RSRC1: variants seen among roughly 807,000 people sequenced by gnomAD.
RSRC1 encodes the protein serine/Arginine-related protein 53.
A neutral mutation model predicts 49.1 loss-of-function variants in RSRC1; 39 were observed. The observed-to-expected ratio is 0.79, with a 90% CI of 0.61 to 1.04. RSRC1 has a LOEUF of 1.04. Among genes scored for constraint, RSRC1 ranks in the 50% least tolerant of loss-of-function variants. The pLI is 0.00. For missense variants in RSRC1, 388 were observed against 402.4 expected, an observed-to-expected ratio of 0.96 and a Z score of 0.31; for synonymous variants, 143 against 130.8, an observed-to-expected ratio of 1.09 and a Z score of -0.63.
intron 6 of RSRC1, among the ~76,000 whole-genome samples, chr3:158,453,382 CTTT>C (rs11288276): frequency 6.5e-5 from 9 of 138,148 alleles, no homozygotes; most frequent in Non-Finnish European, 7.8e-5. Context: ...AGCCCGGAAC[CTTT>C]TTTTTTTTTT....
At chr3:158,499,436 A>T (rs907334298) in intron 7 of RSRC1, among the ~76,000 whole-genome samples, 1 of 151,272 alleles carries the variant, frequency 6.6e-6, no homozygotes, top group African/African-American at 2.4e-5. Flanking sequence ...TGGTATTTTG[A>T]TGGGGATTGC....
chr3:158,147,753 G>A (rs950596715), intron 3 of RSRC1, among the ~76,000 whole-genome samples: 3 of 152,012 alleles, frequency 2.0e-5, no homozygotes, highest in South Asian at 2.1e-4. Context: ...AAAAGTGTAC[G>A]TTTTAGAAGT....
At chr3:158,509,040 G>C (rs562740632) in intron 7 of RSRC1, among the ~76,000 whole-genome samples, 4 of 152,096 alleles carry the variant, frequency 2.6e-5, no homozygotes, top group African/African-American at 9.7e-5. Flanking sequence ...TGTTACATCA[G>C]CTTATGGCGT....
intron 4 of RSRC1, among the ~76,000 whole-genome samples, chr3:158,229,205 T>TA: frequency 2.0e-5 from 2 of 100,064 alleles, no homozygotes; most frequent in Non-Finnish European, 4.5e-5. Context: ...TATATGTGTA[T>TA]ATATGTATAC....
In RSRC1 at chr3:158,489,497, AT is replaced by A. The variant is rs200201612; in HGVS notation, c.652+28495del. On this transcript the variant is annotated intron_variant, in intron 7 of 9. Coordinates refer to ENST00000611884, the MANE Select transcript of RSRC1 (RefSeq NM_001271838.2). ...TTTATTGACATTTTATAAAGAAAAA[AT>A]GTGGGACAAATTATGAATGGATATA... 5.6e-3 allele frequency among the ~76,000 whole-genome samples: 860 copies of A among 152,312 alleles called. 9 individuals are homozygous for A. Among genetic ancestry groups the A allele is most frequent in the African/African-American group, 0.02 (838 of 41,570 alleles).
At chr3:158,326,337 G>T (rs1729139117) in intron 5 of RSRC1, among the ~76,000 whole-genome samples, 1 of 152,146 alleles carries the variant, frequency 6.6e-6, no homozygotes, top group Non-Finnish European at 1.5e-5. Flanking sequence ...TCCAGTTTTT[G>T]CCCATTCAGT....
At chr3:158,330,193 A>G (rs1729463899) in intron 5 of RSRC1, among the ~76,000 whole-genome samples, 1 of 152,160 alleles carries the variant, frequency 6.6e-6, no homozygotes, top group South Asian at 2.1e-4. Context: ...GGATGAGGCG[A>G]TGCCTCGCCC....
At chr3:158,287,699 A>G (rs1045864855) in intron 4 of RSRC1, among the ~76,000 whole-genome samples, 6 of 152,366 alleles carry the variant, frequency 3.9e-5, no homozygotes, top group South Asian at 2.1e-4. Context: ...TTTAAGCTAT[A>G]TAACAAGTCA....
chr3:158,495,772 C>G (rs1489944906), intron 7 of RSRC1, among the ~76,000 whole-genome samples: 1 of 152,166 alleles, frequency 6.6e-6, no homozygotes, highest in African/African-American at 2.4e-5. Flanking sequence ...AAATAAAAGC[C>G]ACTCTCATTT....
chr3:158,353,159 T>G (rs1730968670), intron 5 of RSRC1, among the ~76,000 whole-genome samples: 1 of 152,198 alleles, frequency 6.6e-6, no homozygotes. Context: ...CTGCTATTGT[T>G]TCAGCTCAGG....
chr3:158,144,168 G>T lies in RSRC1; in HGVS notation c.320+20177G>T, dbSNP rs183820293. On this transcript the variant is annotated intron_variant, in intron 3 of 9. Coordinates refer to ENST00000611884, the MANE Select transcript of RSRC1 (RefSeq NM_001271838.2). ...ATTTTATTATACTTTAAGTTTTAGG[G>T]TACATGTGCACAACGTGCAGGTTTG... Among the ~76,000 whole-genome samples, 1,012 of 152,106 alleles carry T rather than the reference G, an allele frequency of 6.7e-3. 11 individuals are homozygous for T. The highest frequency in any genetic ancestry group is 0.023 in the African/African-American group (970 of 41,464).
intron 4 of RSRC1, among the ~76,000 whole-genome samples, chr3:158,275,203 A>C (rs1725741021): frequency 6.6e-6 from 1 of 152,210 alleles, no homozygotes; most frequent in Admixed American, 6.5e-5. Context: ...TTAACCATTG[A>C]ATGCCATGAA....
rs565943173 is a variant in RSRC1, at chr3:158,378,915, C to G, written c.583+24007C>G. Among the ~76,000 whole-genome samples, 3 of 152,330 alleles carry G rather than the reference C, an allele frequency of 2.0e-5. No homozygotes were observed. In the South Asian group the frequency reaches 6.2e-4, roughly 32 times the overall value. On this transcript the variant is annotated intron_variant, in intron 6 of 9. Transcript: ENST00000611884. Reference sequence around the variant, plus strand: ...CTTCCCTCCAAAATCTGTTTATTCACTCTTCAGAGATTTTAAATGGTTACT... The same window carrying G: ...CTTCCCTCCAAAATCTGTTTATTCAGTCTTCAGAGATTTTAAATGGTTACT...
chr3:158,194,105 A>G (rs1043273669), intron 3 of RSRC1, among the ~76,000 whole-genome samples: 1 of 148,260 alleles, frequency 6.7e-6, no homozygotes, highest in African/African-American at 2.5e-5. Flanking sequence ...ACACACACAG[A>G]AAAGAAATTA....
intron 7 of RSRC1, among the ~76,000 whole-genome samples, chr3:158,506,299 G>A (rs930186589): frequency 1.3e-5 from 2 of 151,956 alleles, no homozygotes; most frequent in East Asian, 3.9e-4. Context: ...CAGCTAAAAG[G>A]CCAGGCTTAT....
At chr3:158,145,118 A>C (rs1389191322) in intron 3 of RSRC1, among the ~76,000 whole-genome samples, 2 of 152,146 alleles carry the variant, frequency 1.3e-5, no homozygotes, top group Non-Finnish European at 2.9e-5. Flanking sequence ...TTTGCTGTGC[A>C]GAAGCTCTTG....
At chr3:158,219,054 C>T (rs1722098720) in intron 4 of RSRC1, among the ~76,000 whole-genome samples, 1 of 151,576 alleles carries the variant, frequency 6.6e-6, no homozygotes, top group Non-Finnish European at 1.5e-5. Flanking sequence ...CAAAATTAGC[C>T]AGTCAAGGAA....
chr3:158,326,428 T>A (rs547263850), intron 5 of RSRC1, among the ~76,000 whole-genome samples: 49 of 152,318 alleles, frequency 3.2e-4, no homozygotes, highest in African/African-American at 1.1e-3. Flanking sequence ...TATTGAGAGT[T>A]TTTAGCATGA....
chr3:158,161,224 A>T (rs1718197498), intron 3 of RSRC1, among the ~76,000 whole-genome samples: 1 of 152,064 alleles, frequency 6.6e-6, no homozygotes, highest in Admixed American at 6.6e-5. Context: ...GCCTCTTCTG[A>T]TCTATGCTGG....
Sources: allele counts gnomAD v4.1 joint callset (sites outside exome capture counted in the v4.1 genomes callset), GRCh38; gene constraint gnomAD v4.1.1; transcripts MANE v1.5; gene names NCBI Gene and HGNC (gene_info 2026-07-23, HGNC 2026-07-21).